DHRS7B: variants seen among roughly 807,000 people sequenced by gnomAD.
DHRS7B encodes the protein peroxisomal reductase activating PPAR-gamma.
A neutral mutation model predicts 26.4 loss-of-function variants in DHRS7B; 24 were observed. The ratio of observed to expected loss-of-function variants is 0.91; its 90% CI spans 0.66 to 1.28. The LOEUF (loss-of-function observed/expected upper bound fraction) is 1.28. Among genes scored for constraint, DHRS7B ranks in the 50% most tolerant of loss-of-function variants. The pLI is 0.00. For missense variants in DHRS7B, 368 were observed against 419.4 expected (o/e 0.88, Z 1.07); for synonymous variants, 142 against 166.4 (o/e 0.85, Z 1.13).
chr17:21,176,561 A>T (rs1974383751), intron 2 of DHRS7B, among the ~76,000 whole-genome samples: 1 of 152,164 alleles, frequency 6.6e-6, no homozygotes, highest in South Asian at 2.1e-4. Flanking sequence ...TAATTGTGCC[A>T]CTGCACTCCA....
chr17:21,190,653 C>G (rs1468912449), intron 6 of DHRS7B, among the ~76,000 whole-genome samples: 2 of 152,250 alleles, frequency 1.3e-5, no homozygotes, highest in African/African-American at 4.8e-5. Context: ...GAGCACCAGG[C>G]AGACAGACTC....
At chr17:21,165,916 CAAA>C (rs11346854) in intron 1 of DHRS7B, among the ~76,000 whole-genome samples, 6 of 119,440 alleles carry the variant, frequency 5.0e-5, no homozygotes, top group Non-Finnish European at 5.1e-5. Context: ...ACTCCGTCTC[CAAA>C]AAAAAAAAAA....
At chr17:21,141,640 A>AAAAAAAAAAAACAG in intron 1 of DHRS7B, among the ~76,000 whole-genome samples, 4 of 90,076 alleles carry the variant, frequency 4.4e-5, no homozygotes, top group Non-Finnish European at 6.2e-5. Context: ...AAAAAAAAAA[A>AAAAAAAAAAAACAG]CAACCTCATC....
Position 21,189,786 on chromosome 17 carries a change from G to A in DHRS7B, c.772+923G>A, listed in dbSNP as rs116288408. ...TCTCTGCGGCATTTAAAAATAAGCT[G>A]TAATCCAAAACTTCCTACTTTTCTG... On this transcript the variant is annotated intron_variant, in intron 6 of 6. Transcript: ENST00000395511. Among the ~76,000 whole-genome samples the A allele has an allele frequency of 6.5e-3, 983 of 152,340 alleles. 12 individuals are homozygous for A. The highest frequency in any genetic ancestry group is 0.021 in the African/African-American group (871 of 41,578).
At chr17:21,177,100 G>T (rs1974396808) in intron 2 of DHRS7B, among the ~76,000 whole-genome samples, 1 of 152,118 alleles carries the variant, frequency 6.6e-6, no homozygotes, top group Non-Finnish European at 1.5e-5. Flanking sequence ...CTCCTGCTTA[G>T]CCACAGGAGA....
At chr17:21,127,131 C>A in intron 1 of DHRS7B, 140 bp downstream of exon 1, 1 of 840,510 alleles carries the variant, frequency 1.2e-6, no homozygotes, top group Non-Finnish European at 1.7e-6. Context: ...TTCCGGATCC[C>A]CGCGACGCCG....
At chr17:21,133,313 G>A (rs1973278279) in intron 1 of DHRS7B, among the ~76,000 whole-genome samples, 1 of 152,146 alleles carries the variant, frequency 6.6e-6, no homozygotes, top group Non-Finnish European at 1.5e-5. Flanking sequence ...GGTGGTCAGG[G>A]CACAACTTGA....
intron 1 of DHRS7B, among the ~76,000 whole-genome samples, chr17:21,161,014 CTG>C (rs1182466802): frequency 6.6e-6 from 1 of 152,114 alleles, no homozygotes; most frequent in Non-Finnish European, 1.5e-5. Flanking sequence ...AAAGGCAAAA[CTG>C]TGGAGATAGT....
At chr17:21,127,929 A>G (rs1003117114) in intron 1 of DHRS7B, 4 of 152,196 alleles carry the variant, frequency 2.6e-5, no homozygotes, top group African/African-American at 7.2e-5. Flanking sequence ...TGCCTTCCCT[A>G]CCATGTACAT....
intron 1 of DHRS7B, chr17:21,128,965 CG>C (rs1861206342): frequency 6.6e-6 from 1 of 151,900 alleles, no homozygotes; most frequent in African/African-American, 2.4e-5. Context: ...TAGTAAAGGC[CG>C]ATCCAATGCC....
chr17:21,162,979 T>A (rs1024547511), intron 1 of DHRS7B, among the ~76,000 whole-genome samples: 6 of 152,078 alleles, frequency 3.9e-5, no homozygotes, highest in African/African-American at 1.4e-4. Context: ...GTGGATCATC[T>A]GAGGTGAGGA....
chr17:21,190,932 GT>G lies in DHRS7B; in HGVS notation c.773-12del. On this transcript the variant is annotated splice_polypyrimidine_tract_variant and intron_variant, in intron 6 of 6. Transcript: ENST00000395511. ...GCTTCCAAGTTCATGTGTTTCTTTT[GT>G]TTTATTTATTTTAGTTATGGACACC... is the stretch of plus-strand genomic sequence containing the variant. 6.2e-7 allele frequency: 1 copy of G among 1,612,762 alleles called. No individual in the cohort carries two copies. Among genetic ancestry groups the G allele is most frequent in the Non-Finnish European group, 8.5e-7 (1 of 1,179,760 alleles).
chr17:21,164,512 C>T (rs1474542401), intron 1 of DHRS7B, among the ~76,000 whole-genome samples: 2 of 152,134 alleles, frequency 1.3e-5, no homozygotes, highest in African/African-American at 2.4e-5. Context: ...AGACAATAAT[C>T]TGATTTAGGA....
chr17:21,144,375 CA>C (rs1973595149), intron 1 of DHRS7B, among the ~76,000 whole-genome samples: 1 of 152,108 alleles, frequency 6.6e-6, no homozygotes, highest in African/African-American at 2.4e-5. Context: ...ATTTTTACTC[CA>C]AATAAGTTGC....
rs1416610679 is a variant in DHRS7B, at chr17:21,183,702, G to C, written c.418G>C (p.Val140Leu). 1.9e-6 allele frequency: 3 copies of C among 1,614,080 alleles called. No individual in the cohort carries two copies. The highest frequency in any genetic ancestry group is 1.7e-6 in the Non-Finnish European group (2 of 1,180,038). ...LQCFGYVDIL[V>L]NNAGISYRGT... ...GTGCTTTGGCTATGTCGACATACTT[G>C]TCAACAATGCTGGGATCAGCTACCG... is the stretch of plus-strand genomic sequence containing the variant. Residue 140 changes from valine (V) to leucine (L), a missense_variant, in exon 4 of 7, where the codon GTC (valine) becomes CTC (leucine). Physicochemically the swap from Val to Leu is conservative, Grantham distance 32 (BLOSUM62 1). Transcript: ENST00000395511.
intron 1 of DHRS7B, among the ~76,000 whole-genome samples, chr17:21,157,440 A>G (rs371828812): frequency 6.6e-5 from 10 of 152,178 alleles, no homozygotes; most frequent in African/African-American, 2.4e-4. Context: ...TCATGCTTGT[A>G]ATCCCAGCAC....
intron 1 of DHRS7B, among the ~76,000 whole-genome samples, chr17:21,152,145 G>A (rs1229421333): frequency 2.0e-5 from 3 of 152,056 alleles, no homozygotes; most frequent in South Asian, 2.1e-4. Flanking sequence ...ACCTAGCTTC[G>A]GGTGTTGTTT....
chr17:21,175,589 G>T (rs1236020655), intron 2 of DHRS7B, among the ~76,000 whole-genome samples: 2 of 152,182 alleles, frequency 1.3e-5, no homozygotes, highest in East Asian at 1.9e-4. Context: ...GTGCAGATCT[G>T]CTGGTGAGCA....
intron 3 of DHRS7B, among the ~76,000 whole-genome samples, chr17:21,181,133 C>T (rs949443285): frequency 4.6e-5 from 7 of 152,144 alleles, no homozygotes; most frequent in African/African-American, 1.7e-4. Context: ...GTCATCTAGG[C>T]TAGAGTTCAG....
Sources: gnomAD v4.1 joint callset for allele counts (sites outside exome capture counted in the v4.1 genomes callset) on GRCh38, gnomAD v4.1.1 for gene constraint, MANE v1.5 for transcripts, NCBI Gene and HGNC (gene_info 2026-07-23, HGNC 2026-07-21) for gene names.